Variants in AKT3 observed in about 807,000 individuals in gnomAD.
AKT3 encodes RAC-gamma serine/threonine-protein kinase.
Under a neutral mutation model 65.3 loss-of-function variants are expected in AKT3, and 15 were observed. That is an observed-to-expected ratio of 0.23 (90% CI 0.15 to 0.35). AKT3 has a LOEUF of 0.35. Ranked by LOEUF, AKT3 falls within the 10% of genes least tolerant of loss-of-function variation. The probability of loss-of-function intolerance (pLI) is 1.00; values close to 1 mark genes in which losing one functional copy is unlikely to be tolerated. For synonymous variants in AKT3, 206 were observed against 183.8 expected, an observed-to-expected ratio of 1.12 and a Z score of -0.98; for missense variants, 243 against 576.5, an observed-to-expected ratio of 0.42 and a Z score of 5.92.
chr1:243,824,401 T>C (rs1316293907), intron 2 of AKT3, among the ~76,000 whole-genome samples: 1 of 152,062 alleles, frequency 6.6e-6, no homozygotes, highest in African/African-American at 2.4e-5. Flanking sequence ...AAAGCAAAAA[T>C]TGACGACTGG....
chr1:243,807,964 C>T (rs941331110), intron 2 of AKT3, among the ~76,000 whole-genome samples: 9 of 152,202 alleles, frequency 5.9e-5, no homozygotes, highest in African/African-American at 2.2e-4. Context: ...AGACCTGCAG[C>T]TGAGGGTCCT....
intron 12 of AKT3, among the ~76,000 whole-genome samples, chr1:243,515,518 C>G (rs541661084): frequency 5.5e-4 from 84 of 152,126 alleles, no homozygotes; most frequent in South Asian, 4.8e-3. Flanking sequence ...CCTTCGTACT[C>G]TGTTAATAGG....
chr1:243,676,199 G>C (rs986617460), intron 3 of AKT3, among the ~76,000 whole-genome samples: 6 of 152,132 alleles, frequency 3.9e-5, no homozygotes, highest in African/African-American at 1.4e-4. Flanking sequence ...AATTTAAAAG[G>C]GTGTCTCTAA....
chr1:243,805,779 CCT>C (rs1379910362), intron 2 of AKT3, among the ~76,000 whole-genome samples: 1 of 152,148 alleles, frequency 6.6e-6, no homozygotes, highest in African/African-American at 2.4e-5. Flanking sequence ...CCTCTCATTC[CCT>C]GTTAGTAAAG....
chr1:243,843,400 G>A, intron 1 of AKT3, 118 bp from the exon 2 acceptor site: 1 of 1,155,852 alleles, frequency 8.7e-7, no homozygotes, highest in Non-Finnish European at 1.1e-6. Context: ...TAAAAGTCTG[G>A]CTCTTCAAAC....
chr1:243,491,966 C>A (rs943072943), intron 13 of AKT3, among the ~76,000 whole-genome samples: 17 of 152,158 alleles, frequency 1.1e-4, no homozygotes, highest in Non-Finnish European at 2.1e-4. Context: ...GAGAATGGGT[C>A]GGGCAATGGT....
At chr1:243,699,839 CT>C (rs1228933999) in intron 2 of AKT3, among the ~76,000 whole-genome samples, 1 of 151,918 alleles carries the variant, frequency 6.6e-6, no homozygotes. Flanking sequence ...TACAAATGTC[CT>C]TTTAAGAGTA....
At chr1:243,664,287 C>G (rs558434042) in intron 4 of AKT3, among the ~76,000 whole-genome samples, 2 of 147,198 alleles carry the variant, frequency 1.4e-5, no homozygotes, top group Non-Finnish European at 3.0e-5. Context: ...AGCTCCACCT[C>G]CTGGGTTCAT....
chr1:243,547,656 G>A (rs534670277), intron 11 of AKT3, among the ~76,000 whole-genome samples: 1 of 152,200 alleles, frequency 6.6e-6, no homozygotes, highest in South Asian at 2.1e-4. Flanking sequence ...TCAAAAAATT[G>A]TCAAGCCATC....
In AKT3 at chr1:243,794,614, T is replaced by C. The variant is rs944207973; in HGVS notation, c.46+48511A>G. Among the ~76,000 whole-genome samples the C allele has an allele frequency of 8.5e-5, 13 of 152,194 alleles. 1 individual carries two copies. The highest frequency in any genetic ancestry group is 2.6e-4 in the Admixed American group (4 of 15,286). On this transcript the variant is annotated intron_variant, in intron 2 of 13. Transcript: ENST00000673466. ...CAGAAATGGGTGTTATCTACTCCTA[T>C]GAAATGTTGGCTCAGACACAAGAAG... is the stretch of plus-strand genomic sequence containing the variant.
intron 3 of AKT3, among the ~76,000 whole-genome samples, chr1:243,667,119 C>T (rs758388719): frequency 4.6e-5 from 7 of 152,110 alleles, no homozygotes; most frequent in South Asian, 2.1e-4. Flanking sequence ...GTCAGGAGCA[C>T]GGTAAAGTAA....
intron 6 of AKT3, among the ~76,000 whole-genome samples, chr1:243,632,629 T>C (rs1679689917): frequency 6.6e-6 from 1 of 152,190 alleles, no homozygotes; most frequent in Non-Finnish European, 1.5e-5. Flanking sequence ...CCTTGGAAGC[T>C]TTAGAGCCAG....
At chr1:243,798,207 C>CTTTTT (rs59975727) in intron 2 of AKT3, among the ~76,000 whole-genome samples, 8 of 97,312 alleles carry the variant, frequency 8.2e-5, no homozygotes, top group Non-Finnish European at 1.6e-4. Flanking sequence ...GTGCCAGGCC[C>CTTTTT]TTTTTTTTTT....
intron 6 of AKT3, chr1:243,625,176 G>C (rs1679071182): frequency 6.8e-6 from 1 of 146,528 alleles, no homozygotes; most frequent in African/African-American, 2.9e-5. Flanking sequence ...GTGTCTCCCA[G>C]GCTGGAGTAC....
At chr1:243,540,134 A>G (rs753053463) in intron 12 of AKT3, among the ~76,000 whole-genome samples, 2 of 152,180 alleles carry the variant, frequency 1.3e-5, no homozygotes, top group Non-Finnish European at 2.9e-5. Context: ...AATTATACAA[A>G]GACATTTTAG....
chr1:243,704,683 G>A (rs1040991572), intron 2 of AKT3, among the ~76,000 whole-genome samples: 5 of 152,098 alleles, frequency 3.3e-5, no homozygotes, highest in African/African-American at 1.2e-4. Flanking sequence ...ATGAGGCACT[G>A]CATCATCCTG....
intron 2 of AKT3, among the ~76,000 whole-genome samples, chr1:243,840,815 C>A (rs1210452398): frequency 4.0e-5 from 6 of 149,518 alleles, no homozygotes; most frequent in African/African-American, 7.4e-5. Flanking sequence ...ATAAAGGCAA[C>A]CAAAAAATAA....
In AKT3 at chr1:243,850,061, T is replaced by TGGC; in HGVS notation, c.-137_-135dup. On this transcript the variant is annotated 5_prime_UTR_variant, in exon 1 of 14. Coordinates refer to ENST00000673466, the MANE Select transcript of AKT3 (RefSeq NM_005465.7). ...TTACCTGCAACGGCGGCGGCGGCGG[T>TGGC]GGCGGCCCCGCAGCTGCTCGGGCGG... 1 of 926,938 alleles carries TGGC rather than the reference T, an allele frequency of 1.1e-6. No individual in the cohort carries two copies. Among genetic ancestry groups the TGGC allele is most frequent in the Non-Finnish European group, 1.3e-6 (1 of 799,568 alleles). The allele number at this position is 926,938 out of a possible 1,614,324, so 57.4% of individuals were successfully genotyped here. A position where few individuals can be genotyped will look rare whatever the true frequency, so the allele number is the denominator to read the frequency against.
chr1:243,642,496 A>C (rs1680491439), intron 5 of AKT3, among the ~76,000 whole-genome samples: 1 of 152,080 alleles, frequency 6.6e-6, no homozygotes, highest in South Asian at 2.1e-4. Flanking sequence ...TTTTTAGTAG[A>C]GACGGGGTTT....
Sources: gnomAD v4.1 joint callset for allele counts (sites outside exome capture counted in the v4.1 genomes callset) on GRCh38, gnomAD v4.1.1 for gene constraint, MANE v1.5 for transcripts, NCBI Gene and HGNC (gene_info 2026-07-23, HGNC 2026-07-21) for gene names.